Variants in FBLN5 observed in about 807,000 individuals in gnomAD.
FBLN5 encodes the protein fibulin 5, also known as fibulin-5.
FBLN5 carries 24 observed loss-of-function variants against 61.6 expected under a neutral mutation model. That is an observed-to-expected ratio of 0.39 (90% CI 0.28 to 0.55). FBLN5 has a LOEUF of 0.55. Among genes scored for constraint, FBLN5 ranks in the 20% least tolerant of loss-of-function variants. FBLN5 has a pLI of 0.65. For synonymous variants in FBLN5, 213 were observed against 219.8 expected, an observed-to-expected ratio of 0.97 and a Z score of 0.27; for missense variants, 470 against 594.1, an observed-to-expected ratio of 0.79 and a Z score of 2.17.
At chr14:91,879,728 T>C (rs1157074285) in intron 9 of FBLN5, among the ~76,000 whole-genome samples, 2 of 152,216 alleles carry the variant, frequency 1.3e-5, no homozygotes, top group African/African-American at 2.4e-5. Context: ...AGTGAAGATG[T>C]CCCTAAAGGA....
At chr14:91,925,247 G>A (rs769402863) in intron 4 of FBLN5, among the ~76,000 whole-genome samples, 34 of 152,240 alleles carry the variant, frequency 2.2e-4, no homozygotes, top group Non-Finnish European at 4.9e-4. Flanking sequence ...CCCAGAGTCT[G>A]TGGATGCTGG....
At chr14:91,878,581 A>T (rs1350354838) in intron 9 of FBLN5, among the ~76,000 whole-genome samples, 1 of 152,154 alleles carries the variant, frequency 6.6e-6, no homozygotes, top group East Asian at 1.9e-4. Flanking sequence ...ATCTATCCAC[A>T]AAACCTGTTG....
At chr14:91,934,867 T>C (rs1242615781) in intron 4 of FBLN5, among the ~76,000 whole-genome samples, 2 of 152,028 alleles carry the variant, frequency 1.3e-5, no homozygotes, top group Non-Finnish European at 2.9e-5. Context: ...GAGCGGTAGG[T>C]AGAAAGAGCC....
At chr14:91,872,897 A>G (rs1889007066) in intron 10 of FBLN5, among the ~76,000 whole-genome samples, 1 of 152,228 alleles carries the variant, frequency 6.6e-6, no homozygotes, top group African/African-American at 2.4e-5. Flanking sequence ...ACCCTGAGCT[A>G]GGGACAGCCC....
At chr14:91,898,201 T>C (rs1406772657) in intron 4 of FBLN5, among the ~76,000 whole-genome samples, 1 of 151,422 alleles carries the variant, frequency 6.6e-6, no homozygotes. Flanking sequence ...GTCCCTGAAG[T>C]TTTTTTTGGC....
At position 91,878,044 on chromosome 14, in the gene FBLN5, AC is replaced by A. The variant is rs568321391; in HGVS notation, c.990-363del. On this transcript the variant is annotated intron_variant, in intron 9 of 10. Coordinates refer to ENST00000342058, the MANE Select transcript of FBLN5 (RefSeq NM_006329.4). ...CAGAGCAAGACCCTGTCTCAAAAAAACAAAACAAAAAAAAAGGAAGAAAGAA... is the reference window on the plus strand; with the variant it reads ...CAGAGCAAGACCCTGTCTCAAAAAAAAAAACAAAAAAAAAGGAAGAAAGAA... The A allele has an allele frequency of 6.3e-4, 270 of 425,998 alleles. 1 individual carries two copies. The highest frequency in any genetic ancestry group is 9.2e-4 in the Admixed American group (27 of 29,400). 26.4% of individuals were successfully genotyped at this position (425,998 alleles called of 1,614,324 possible).
intron 7 of FBLN5, among the ~76,000 whole-genome samples, chr14:91,883,902 C>T (rs1034725217): frequency 1.3e-5 from 2 of 152,192 alleles, no homozygotes; most frequent in African/African-American, 2.4e-5. Flanking sequence ...CAGAAGCAGA[C>T]GTTCCAGAAA....
At chr14:91,942,167 C>G in intron 2 of FBLN5, 1 of 456,040 alleles carries the variant, frequency 2.2e-6, no homozygotes, top group Middle Eastern at 3.3e-4. Flanking sequence ...CACAGGGGTC[C>G]ATCTCTCCTG....
At chr14:91,941,931 C>G in intron 2 of FBLN5, 1 of 345,456 alleles carries the variant, frequency 2.9e-6, no homozygotes, top group South Asian at 2.2e-5. Context: ...CTTAGAAAAC[C>G]GCAAGGTCTA....
intron 4 of FBLN5, among the ~76,000 whole-genome samples, chr14:91,921,651 T>A (rs1353872130): frequency 6.6e-6 from 1 of 152,166 alleles, no homozygotes; most frequent in Non-Finnish European, 1.5e-5. Context: ...TGGAAAATGA[T>A]AAGGCTGTGA....
intron 4 of FBLN5, among the ~76,000 whole-genome samples, chr14:91,917,540 C>T (rs893068811): frequency 1.0e-4 from 13 of 126,480 alleles, no homozygotes; most frequent in South Asian, 2.7e-4. Flanking sequence ...CAAGCCACTG[C>T]GCTCCAGCCT....
chr14:91,897,106 C>A (rs551761359), intron 4 of FBLN5, among the ~76,000 whole-genome samples: 7 of 152,092 alleles, frequency 4.6e-5, no homozygotes, highest in Non-Finnish European at 8.8e-5. Context: ...GTGGCTTTCC[C>A]TCCTCTAAAC....
chr14:91,877,812 T>A, intron 9 of FBLN5, 130 bp from the exon 10 acceptor site: 1 of 742,644 alleles, frequency 1.3e-6, no homozygotes, highest in South Asian at 1.5e-5. Context: ...AACTGTAGAA[T>A]GTCTCTGCTC....
chr14:91,881,256 C>T (rs555646468), intron 9 of FBLN5, 36 bp downstream of exon 9: 1 of 1,612,968 alleles, frequency 6.2e-7, no homozygotes, highest in East Asian at 2.2e-5. Flanking sequence ...AGGCCCTCAT[C>T]AGGTTTCTAT....
intron 8 of FBLN5, among the ~76,000 whole-genome samples, chr14:91,881,776 T>A (rs1271139041): frequency 1.3e-5 from 2 of 151,060 alleles, no homozygotes; most frequent in Non-Finnish European, 2.9e-5. Flanking sequence ...TTTTATTTAT[T>A]TATATATATA....
intron 4 of FBLN5, among the ~76,000 whole-genome samples, chr14:91,927,136 A>G (rs1468340045): frequency 6.6e-6 from 1 of 152,212 alleles, no homozygotes; most frequent in Non-Finnish European, 1.5e-5. Context: ...TGATATTTAC[A>G]TGAAGCTGTT....
intron 4 of FBLN5, 83 bp from the exon 5 acceptor site, chr14:91,895,155 T>G: frequency 6.4e-7 from 1 of 1,562,702 alleles, no homozygotes; most frequent in Admixed American, 1.7e-5. Flanking sequence ...TGGCTCATCT[T>G]GGCTGGGAGG....
chr14:91,919,994 CCT>C (rs1014385262), intron 4 of FBLN5, among the ~76,000 whole-genome samples: 2 of 152,202 alleles, frequency 1.3e-5, no homozygotes, highest in Admixed American at 6.5e-5. Context: ...TTCTCCCTCC[CCT>C]GTCTGGTTTC....
At position 91,947,336 on chromosome 14, in the gene FBLN5, G is replaced by C; in HGVS notation, c.-107C>G. The C allele has an allele frequency of 7.4e-7, 1 of 1,354,452 alleles. No homozygotes were observed. Among genetic ancestry groups the C allele is most frequent in the Non-Finnish European group, 1.1e-6 (1 of 951,462 alleles). 83.9% of individuals were successfully genotyped at this position (1,354,452 alleles called of 1,614,324 possible). On this transcript the variant is annotated 5_prime_UTR_variant, in exon 1 of 11. Transcript: ENST00000342058. This position sits in a 1 kb window ranked among gnomAD's most constrained non-coding sequence, Gnocchi z 4.3. ...CCTCCTCTGGGCCCTCGGGGCTCGC[G>C]GGTGTTTTATTCCAGAGGGGCCGAG...
Sources: allele counts gnomAD v4.1 joint callset (sites outside exome capture counted in the v4.1 genomes callset), GRCh38; gene constraint gnomAD v4.1.1; non-coding constraint Gnocchi (gnomAD v3.1); transcripts MANE v1.5; gene names NCBI Gene and HGNC (gene_info 2026-07-23, HGNC 2026-07-21).